Variants in ASIP observed in about 807,000 individuals in gnomAD.
ASIP encodes agouti-signaling protein.
A neutral mutation model predicts 10.3 loss-of-function variants in ASIP; 11 were observed. The observed-to-expected ratio is 1.07, with a 90% CI of 0.68 to 1.78. ASIP has a LOEUF of 1.78. Among genes scored for constraint, ASIP ranks in the 40% most tolerant of loss-of-function variants. The probability of loss-of-function intolerance (pLI) is 0.00; values close to 1 mark genes in which losing one functional copy is unlikely to be tolerated. For synonymous variants in ASIP, 70 were observed against 70.8 expected (o/e 0.99, Z 0.06); for missense variants, 180 against 169.2 (o/e 1.06, Z -0.35).
intron 1 of ASIP, among the ~76,000 whole-genome samples, chr20:34,197,199 C>G (rs2034863823): frequency 6.6e-6 from 1 of 151,952 alleles, no homozygotes; most frequent in African/African-American, 2.4e-5. Flanking sequence ...ATGGTGAAAC[C>G]CTGTCTCTAC....
At chr20:34,226,854 T>G (rs1035120377) in intron 1 of ASIP, among the ~76,000 whole-genome samples, 12 of 152,246 alleles carry the variant, frequency 7.9e-5, no homozygotes, top group African/African-American at 2.9e-4. Flanking sequence ...CTCCCCAAAA[T>G]GCTTGGATTG....
chr20:34,260,551 CTGGGCT>C lies in ASIP; in HGVS notation c.160+18_160+23del, dbSNP rs749118873. 3.3e-5 allele frequency: 52 copies of C among 1,594,076 alleles called. 1 individual carries two copies. In the African/African-American group the frequency reaches 6.7e-4, roughly 21 times the overall value. On this transcript the variant is annotated intron_variant, in intron 2 of 3. Transcript: ENST00000374954. ...CTATTGTGGGTAAGTCACCTAGCCT[CTGGGCT>C]CTGGCCCAGGAGAGGGGCTGCAGGA... is the stretch of plus-strand genomic sequence containing the variant.
intron 1 of ASIP, among the ~76,000 whole-genome samples, chr20:34,204,600 CA>C (rs1191624001): frequency 2.0e-5 from 3 of 152,154 alleles, no homozygotes; most frequent in African/African-American, 7.2e-5. Flanking sequence ...AAATAGCAGG[CA>C]TCCTTATCTT....
chr20:34,197,204 C>T (rs2034863853), intron 1 of ASIP, among the ~76,000 whole-genome samples: 1 of 152,042 alleles, frequency 6.6e-6, no homozygotes, highest in African/African-American at 2.4e-5. Flanking sequence ...GAAACCCTGT[C>T]TCTACTAAAA....
intron 1 of ASIP, among the ~76,000 whole-genome samples, chr20:34,253,371 G>C (rs1320988200): frequency 6.6e-6 from 1 of 151,742 alleles, no homozygotes; most frequent in African/African-American, 2.4e-5. Flanking sequence ...CTCCCAAAGT[G>C]CTGGGATTAC....
intron 1 of ASIP, among the ~76,000 whole-genome samples, chr20:34,243,739 A>G (rs1206654095): frequency 1.4e-5 from 2 of 145,702 alleles, no homozygotes; most frequent in Non-Finnish European, 3.0e-5. Flanking sequence ...AATACTTTAC[A>G]TTTTTCTAAT....
At chr20:34,217,944 T>TA (rs1316083890) in intron 1 of ASIP, among the ~76,000 whole-genome samples, 6 of 152,256 alleles carry the variant, frequency 3.9e-5, no homozygotes, top group African/African-American at 1.4e-4. Context: ...TGTCTCCAAA[T>TA]ACCAGTCTCA....
chr20:34,266,490 T>C (rs819160), intron 3 of ASIP, among the ~76,000 whole-genome samples: 19,586 of 151,404 alleles, frequency 0.13, 1,340 homozygotes, highest in East Asian at 0.22. Context: ...CTAGCCAACA[T>C]GGTGAAACCC....
chr20:34,239,103 C>A (rs1449998591), upstream of ASIP, among the ~76,000 whole-genome samples: 1 of 152,184 alleles, frequency 6.6e-6, no homozygotes, highest in African/African-American at 2.4e-5. Flanking sequence ...TCTCTAGAAA[C>A]TTGATATCTT....
intron 1 of ASIP, chr20:34,214,811 C>T: frequency 1.9e-6 from 3 of 1,564,738 alleles, no homozygotes; most frequent in Non-Finnish European, 2.6e-6. Flanking sequence ...TGAAGATAAT[C>T]ATAACAAAAT....
chr20:34,198,881 T>C (rs1282162098), intron 1 of ASIP, among the ~76,000 whole-genome samples: 1 of 152,158 alleles, frequency 6.6e-6, no homozygotes, highest in African/African-American at 2.4e-5. Context: ...AACTAGAATC[T>C]AGATCTAGAA....
intron 1 of ASIP, among the ~76,000 whole-genome samples, chr20:34,257,086 T>C (rs1215357270): frequency 6.6e-6 from 1 of 151,442 alleles, no homozygotes; most frequent in Non-Finnish European, 1.5e-5. Context: ...TTTTTTTGTT[T>C]TTTGTTTTTT....
chr20:34,198,425 C>T (rs2034872572), intron 1 of ASIP, among the ~76,000 whole-genome samples: 1 of 151,912 alleles, frequency 6.6e-6, no homozygotes, highest in East Asian at 1.9e-4. Context: ...CTTCCATTTT[C>T]CTGGGCTCCT....
At chr20:34,195,130 G>GA (rs547366092) in intron 1 of ASIP, among the ~76,000 whole-genome samples, 1,637 of 135,402 alleles carry the variant, frequency 0.012, 22 homozygotes, top group African/African-American at 0.03. Context: ...GAAGGTACCA[G>GA]AAAAAAAAAA....
intron 1 of ASIP, among the ~76,000 whole-genome samples, chr20:34,233,527 A>C (rs574204262): frequency 6.6e-6 from 1 of 152,154 alleles, no homozygotes; most frequent in Non-Finnish European, 1.5e-5. Context: ...TGGTTGCACA[A>C]CTCTGTGAAT....
intron 1 of ASIP, among the ~76,000 whole-genome samples, chr20:34,235,394 C>A (rs1018291285): frequency 6.6e-6 from 1 of 152,012 alleles, no homozygotes; most frequent in Non-Finnish European, 1.5e-5. Context: ...GAGCCGAGAT[C>A]ATGCCATTGC....
chr20:34,243,410 A>G (rs1003176885), intron 1 of ASIP, among the ~76,000 whole-genome samples: 1 of 152,204 alleles, frequency 6.6e-6, no homozygotes, highest in African/African-American at 2.4e-5. Context: ...ACGTGTATGT[A>G]GATACAGCCC....
upstream of ASIP, chr20:34,241,398 T>A (rs1255032083): frequency 7.3e-6 from 7 of 957,080 alleles, no homozygotes; most frequent in Non-Finnish European, 8.7e-6. Flanking sequence ...CTTGTTCTTG[T>A]CTTTGAAGTT....
chr20:34,210,996 T>G (rs1298927986), intron 1 of ASIP, among the ~76,000 whole-genome samples: 1 of 152,172 alleles, frequency 6.6e-6, no homozygotes, highest in Non-Finnish European at 1.5e-5. Context: ...TTTTTAAAAT[T>G]TGATATGTAA....
Sources: gnomAD v4.1 joint callset for allele counts (sites outside exome capture counted in the v4.1 genomes callset) on GRCh38, gnomAD v4.1.1 for gene constraint, MANE v1.5 for transcripts, NCBI Gene and HGNC (gene_info 2026-07-23, HGNC 2026-07-21) for gene names.